SHPRH: variants seen among roughly 807,000 people sequenced by gnomAD.
SHPRH encodes the protein SNF2 histone linker PHD RING helicase, also known as E3 ubiquitin-protein ligase SHPRH.
A neutral mutation model predicts 202.5 loss-of-function variants in SHPRH; 106 were observed. That is an observed-to-expected ratio of 0.52 (90% CI 0.45 to 0.62). SHPRH has a LOEUF of 0.62. Ranked by LOEUF, SHPRH falls within the 20% of genes least tolerant of loss-of-function variation. The pLI, the probability that SHPRH is intolerant of heterozygous loss-of-function variation, is 0.00. For missense variants in SHPRH, 1,710 were observed against 2,020.0 expected, an observed-to-expected ratio of 0.85 and a Z score of 2.94; for synonymous variants, 729 against 686.0, an observed-to-expected ratio of 1.06 and a Z score of -0.98.
At chr6:145,958,547 T>C (rs1788739588) in intron 1 of SHPRH, among the ~76,000 whole-genome samples, 1 of 152,174 alleles carries the variant, frequency 6.6e-6, no homozygotes, top group Non-Finnish European at 1.5e-5. Context: ...TCTATCCTCC[T>C]TCCCTGATGA....
At chr6:145,891,551 A>C (rs984335572) in intron 28 of SHPRH, among the ~76,000 whole-genome samples, 9 of 152,160 alleles carry the variant, frequency 5.9e-5, no homozygotes, top group Admixed American at 6.5e-5. Flanking sequence ...CTCCATGAGG[A>C]CATCTCATGT....
In SHPRH at chr6:145,932,314, C is replaced by T. The variant is rs367728192; in HGVS notation, c.3112+743G>A. On this transcript the variant is annotated intron_variant, in intron 14 of 29. Transcript: ENST00000275233. ...GTAACAGACAATGGATTTACTCTTC[C>T]CTGCAAAAACTACAATAACAGGCAA... Among the ~76,000 whole-genome samples the T allele has an allele frequency of 7.9e-5, 12 of 152,148 alleles. No individual in the cohort carries two copies. In the East Asian group the frequency reaches 1.9e-3, roughly 24 times the overall value.
At position 145,943,720 on chromosome 6, in the gene SHPRH, T is replaced by A; in HGVS notation, c.1661A>T (p.Asp554Val). 1 of 1,613,092 alleles carries A rather than the reference T, an allele frequency of 6.2e-7. No homozygotes were observed. The change falls in exon 9 of 30, where the codon GAC becomes GTC. Residue 554 changes from aspartate (D) to valine (V), a missense_variant. By Grantham distance (152) the Asp-to-Val change is radical. Transcript: ENST00000275233. ...KDTDSEYLPS[D>V]TSDDDDDPYY... Reference sequence around the variant, plus strand: ...AGGATCATCATCATCATCAGAGGTGTCTGATGGCAAGTATTCAGAATCTGT... The same window carrying A: ...AGGATCATCATCATCATCAGAGGTGACTGATGGCAAGTATTCAGAATCTGT...
intron 2 of SHPRH, among the ~76,000 whole-genome samples, chr6:145,869,239 A>G (rs1054057923): frequency 2.0e-5 from 3 of 152,124 alleles, no homozygotes; most frequent in African/African-American, 7.2e-5. Flanking sequence ...ATGTATTTGG[A>G]TAACAGTTCC....
downstream of SHPRH, among the ~76,000 whole-genome samples, chr6:145,859,310 ATTTATTTT>A (rs1312749715): frequency 8.6e-5 from 13 of 152,008 alleles, no homozygotes; most frequent in African/African-American, 2.7e-4. Flanking sequence ...ATTGATCTGT[ATTTATTTT>A]AGAAAGTGTT....
At chr6:145,934,338 T>G (rs1329865838) in intron 13 of SHPRH, among the ~76,000 whole-genome samples, 1 of 151,780 alleles carries the variant, frequency 6.6e-6, no homozygotes, top group Non-Finnish European at 1.5e-5. Flanking sequence ...TGGTGGCACA[T>G]GTCTGTAATC....
chr6:145,874,209 A>AAATAATAATAATAAT (rs58669613), intron 2 of SHPRH, among the ~76,000 whole-genome samples: 1,520 of 147,892 alleles, frequency 0.01, 24 homozygotes, highest in East Asian at 0.035. Flanking sequence ...AAAAATAATA[A>AAATAATAATAATAAT]AATAATAATA....
chr6:145,861,645 C>T (rs189902335), downstream of SHPRH, among the ~76,000 whole-genome samples: 3 of 152,252 alleles, frequency 2.0e-5, no homozygotes, highest in East Asian at 3.9e-4. Flanking sequence ...ATCCATCCTC[C>T]CATATTCGTT....
At chr6:145,900,419 A>G (rs772303620) in intron 25 of SHPRH, among the ~76,000 whole-genome samples, 4 of 152,152 alleles carry the variant, frequency 2.6e-5, no homozygotes, top group Non-Finnish European at 5.9e-5. Flanking sequence ...CAGATACTGC[A>G]TGATCTCACT....
At chr6:145,877,516 A>C (rs879561698) in intron 2 of SHPRH, 1 of 152,186 alleles carries the variant, frequency 6.6e-6, no homozygotes, top group Non-Finnish European at 1.5e-5. Flanking sequence ...CAAGGAAATA[A>C]TATTTAGCCC....
downstream of SHPRH, chr6:145,881,518 A>G (rs1295981832): frequency 6.6e-6 from 1 of 152,210 alleles, no homozygotes; most frequent in Non-Finnish European, 1.5e-5. Flanking sequence ...GTCTATGGCA[A>G]TGGGTCCTTT....
chr6:145,923,377 G>A (rs564380125), intron 18 of SHPRH, among the ~76,000 whole-genome samples: 93 of 151,852 alleles, frequency 6.1e-4, no homozygotes, highest in Non-Finnish European at 1.1e-3. Context: ...TTACTAATGT[G>A]CTCACATTAT....
chr6:145,924,863 AAT>A lies in SHPRH; in HGVS notation c.3295-19_3295-18del. 6.3e-7 allele frequency: 1 copy of A among 1,593,754 alleles called. No individual in the cohort carries two copies. Among genetic ancestry groups the A allele is most frequent in the South Asian group, 1.1e-5 (1 of 90,272 alleles). Reference sequence around the variant, plus strand: ...CTGTTTGGCCTGTGTTGAAACAGAGAATATAAACTTTCACTCCCAATCTAGAA... The same window carrying A: ...CTGTTTGGCCTGTGTTGAAACAGAGAATAAACTTTCACTCCCAATCTAGAA... On this transcript the variant is annotated intron_variant, in intron 16 of 29. Transcript: ENST00000275233.
At chr6:145,930,531 C>T (rs1414240465) in intron 14 of SHPRH, among the ~76,000 whole-genome samples, 3 of 152,128 alleles carry the variant, frequency 2.0e-5, no homozygotes, top group South Asian at 2.1e-4. Context: ...ACAGCATTTG[C>T]GGACTTTCCA....
chr6:145,950,847 AGAAGCTGACAC>A (rs56234198), intron 3 of SHPRH, among the ~76,000 whole-genome samples: 83,050 of 151,534 alleles, frequency 0.55, 23,217 homozygotes, highest in Admixed American at 0.67. Flanking sequence ...AGCCCCTCAG[AGAAGCTGACAC>A]GTAGCTGACA....
chr6:145,958,841 A>C (rs1398097784), intron 1 of SHPRH, among the ~76,000 whole-genome samples: 1 of 152,022 alleles, frequency 6.6e-6, no homozygotes, highest in Non-Finnish European at 1.5e-5. Context: ...TTATTTATTT[A>C]TTTATTTATT....
chr6:145,922,358 AAG>A lies in SHPRH; in HGVS notation c.3720-12_3720-11del, dbSNP rs777261980. The stretch of plus-strand genomic sequence containing the variant: ...TTTACAAAAGACACAGCTGAAAAAA[AAG>A]AGATTAACAGAAATATTCACAAACA... On this transcript the variant is annotated splice_polypyrimidine_tract_variant and intron_variant, in intron 19 of 29. Transcript: ENST00000275233. 86 of 1,558,352 alleles carry A rather than the reference AAG, an allele frequency of 5.5e-5. No individual in the cohort carries two copies. The African/African-American group carries it at 1.2e-3, about 22-fold the overall frequency.
intron 14 of SHPRH, among the ~76,000 whole-genome samples, chr6:145,929,198 G>A (rs1052929475): frequency 6.6e-6 from 1 of 151,758 alleles, no homozygotes; most frequent in Non-Finnish European, 1.5e-5. Context: ...TGTTATAAAG[G>A]TTTAAGTCAA....
Position 145,950,249 on chromosome 6 carries a change from A to G in SHPRH, c.982+15T>C. ...CTCTAATCAATTGGACTTTCTTTAA[A>G]CATCTTATTCTTACCAGTAGCAGGA... On this transcript the variant is annotated intron_variant, in intron 4 of 29. Transcript: ENST00000275233. 5.0e-6 allele frequency: 8 copies of G among 1,610,424 alleles called. No individual in the cohort carries two copies. The highest frequency in any genetic ancestry group is 5.1e-6 in the Non-Finnish European group (6 of 1,177,786).
Sources: gnomAD v4.1 joint callset for allele counts (sites outside exome capture counted in the v4.1 genomes callset) on GRCh38, gnomAD v4.1.1 for gene constraint, MANE v1.5 for transcripts, NCBI Gene and HGNC (gene_info 2026-07-23, HGNC 2026-07-21) for gene names.